The following PPP2R2C variants were observed in gnomAD, a reference collection of about 807,000 sequenced individuals.
PPP2R2C encodes the protein protein phosphatase 2, regulatory subunit B, gamma.
A neutral mutation model predicts 45.3 loss-of-function variants in PPP2R2C; 10 were observed. The ratio of observed to expected loss-of-function variants is 0.22; its 90% CI spans 0.14 to 0.37. PPP2R2C has a LOEUF of 0.37. PPP2R2C is among the 10% of genes least tolerant of loss of function. The pLI, the probability that PPP2R2C is intolerant of heterozygous loss-of-function variation, is 1.00. For synonymous variants in PPP2R2C, 257 were observed against 245.4 expected (o/e 1.05, Z -0.44); for missense variants, 308 against 619.7 (o/e 0.50, Z 5.34).
intron 1 of PPP2R2C, among the ~76,000 whole-genome samples, chr4:6,548,836 C>T (rs1725081602): frequency 6.6e-6 from 1 of 152,202 alleles, no homozygotes; most frequent in African/African-American, 2.4e-5. Flanking sequence ...ACTGCCTGCC[C>T]TGAGGCTGGA....
chr4:6,354,439 C>G (rs1712951327), intron 5 of PPP2R2C, among the ~76,000 whole-genome samples: 1 of 152,130 alleles, frequency 6.6e-6, no homozygotes, highest in African/African-American at 2.4e-5. Flanking sequence ...ACCATCTGTC[C>G]CGCCCTGCAG....
intron 1 of PPP2R2C, among the ~76,000 whole-genome samples, chr4:6,446,284 G>A (rs781760102): frequency 4.6e-5 from 7 of 151,954 alleles, no homozygotes; most frequent in Non-Finnish European, 8.8e-5. Flanking sequence ...CCCCCACACC[G>A]ACACACCCAC....
At chr4:6,350,121 G>T in intron 5 of PPP2R2C, 5 of 985,432 alleles carry the variant, frequency 5.1e-6, no homozygotes, top group Non-Finnish European at 6.0e-6. Context: ...TGGTTTCCCA[G>T]GAAACTACAG....
In PPP2R2C at chr4:6,345,787, C is replaced by T. The variant is rs536168867; in HGVS notation, c.790+2059G>A. ...CCAAGTGTGTGGTCCTTTGTTGTGG[C>T]GCACAGGACGCAGCCCCGAGCCCCC... On this transcript the variant is annotated intron_variant, in intron 6 of 8. Coordinates refer to ENST00000382599, the MANE Select transcript of PPP2R2C (RefSeq NM_020416.4). This position sits in a 1 kb window ranked among gnomAD's most constrained non-coding sequence, Gnocchi z 5.3. Among the ~76,000 whole-genome samples the T allele has an allele frequency of 2.8e-4, 42 of 152,212 alleles. No homozygotes were observed. Among genetic ancestry groups the T allele is most frequent in the Admixed American group, 1.2e-3 (18 of 15,300 alleles).
At chr4:6,517,391 A>G (rs1723858466) in intron 2 of PPP2R2C, among the ~76,000 whole-genome samples, 1 of 152,218 alleles carries the variant, frequency 6.6e-6, no homozygotes, top group Admixed American at 6.5e-5. Flanking sequence ...TACCTAGCCT[A>G]TCTGAGCCTC....
chr4:6,342,820 C>T (rs891168999), intron 6 of PPP2R2C, among the ~76,000 whole-genome samples: 1 of 152,188 alleles, frequency 6.6e-6, no homozygotes, highest in Non-Finnish European at 1.5e-5. Context: ...GGCCTGTGTG[C>T]CCCCAGCTCT....
chr4:6,395,088 C>T (rs1326500589), intron 1 of PPP2R2C, among the ~76,000 whole-genome samples: 1 of 152,126 alleles, frequency 6.6e-6, no homozygotes, highest in African/African-American at 2.4e-5. Flanking sequence ...CTGTCTTCAT[C>T]TTGACCCCAT....
At chr4:6,560,259 C>T (rs1042704320) in intron 1 of PPP2R2C, among the ~76,000 whole-genome samples, 4 of 152,278 alleles carry the variant, frequency 2.6e-5, no homozygotes, top group Non-Finnish European at 4.4e-5. Flanking sequence ...AGGCTCTTGG[C>T]TACCAGACTA....
intron 2 of PPP2R2C, among the ~76,000 whole-genome samples, chr4:6,504,505 A>G (rs190041301): frequency 5.5e-4 from 84 of 152,352 alleles, no homozygotes; most frequent in African/African-American, 1.7e-3. Flanking sequence ...ATTGGCAGAC[A>G]ATCATTTTAA....
At chr4:6,353,345 G>GC (rs1164229848) in intron 5 of PPP2R2C, among the ~76,000 whole-genome samples, 1 of 76,534 alleles carries the variant, frequency 1.3e-5, no homozygotes, top group African/African-American at 5.7e-5. Flanking sequence ...AACACCGACA[G>GC]CCCCCCAACA....
At chr4:6,356,016 A>G (rs1577101025) in intron 5 of PPP2R2C, among the ~76,000 whole-genome samples, 1 of 144,940 alleles carries the variant, frequency 6.9e-6, no homozygotes, top group Non-Finnish European at 1.5e-5. Context: ...AAAAAAAAAA[A>G]GAGCACTGTG....
At chr4:6,472,894 G>T (rs1478168808), upstream of PPP2R2C, among the ~76,000 whole-genome samples, 1 of 152,100 alleles carries the variant, frequency 6.6e-6, no homozygotes, top group Non-Finnish European at 1.5e-5. Flanking sequence ...AAGAGCCGGG[G>T]TGCTGGGAAG....
chr4:6,372,439 T>G (rs1230840112), intron 5 of PPP2R2C, 84 bp downstream of exon 5: 2 of 1,445,776 alleles, frequency 1.4e-6, no homozygotes, highest in Non-Finnish European at 1.9e-6. Context: ...CCAAACCAGC[T>G]GTCTGCCAAT....
At chr4:6,346,162 G>A (rs1329539936) in intron 6 of PPP2R2C, among the ~76,000 whole-genome samples, 2 of 152,080 alleles carry the variant, frequency 1.3e-5, no homozygotes, top group African/African-American at 2.4e-5. Context: ...ATTTCTTCCT[G>A]CAGACCCTGC....
intron 1 of PPP2R2C, among the ~76,000 whole-genome samples, chr4:6,437,908 C>T (rs964231599): frequency 2.6e-5 from 4 of 152,146 alleles, no homozygotes; most frequent in Non-Finnish European, 5.9e-5. Context: ...AACTACAGGC[C>T]TTAGAAGGGA....
chr4:6,486,667 C>T (rs1022252503), intron 2 of PPP2R2C, among the ~76,000 whole-genome samples: 2 of 152,060 alleles, frequency 1.3e-5, no homozygotes, highest in African/African-American at 4.8e-5. Context: ...ATAGCCACTG[C>T]AGCTTTCCTT....
chr4:6,361,627 G>GAAAA (rs1455780609), intron 5 of PPP2R2C, among the ~76,000 whole-genome samples: 2 of 152,218 alleles, frequency 1.3e-5, no homozygotes, highest in African/African-American at 4.8e-5. Context: ...CTCCCTCTGG[G>GAAAA]AAAAAAGCAT....
chr4:6,379,506 C>G (rs894904020), intron 2 of PPP2R2C, among the ~76,000 whole-genome samples: 10 of 152,234 alleles, frequency 6.6e-5, no homozygotes, highest in Admixed American at 1.3e-4. Context: ...TTCCCATGAG[C>G]ACTCGCTATG....
chr4:6,358,316 A>G (rs1247696425), intron 5 of PPP2R2C, among the ~76,000 whole-genome samples: 6 of 152,176 alleles, frequency 3.9e-5, no homozygotes, highest in Non-Finnish European at 7.3e-5. Context: ...CCTCCCTTAC[A>G]CCTTATACAA....
Sources: allele counts gnomAD v4.1 joint callset (sites outside exome capture counted in the v4.1 genomes callset), GRCh38; gene constraint gnomAD v4.1.1; non-coding constraint Gnocchi (gnomAD v3.1); transcripts MANE v1.5; gene names NCBI Gene and HGNC (gene_info 2026-07-23, HGNC 2026-07-21).